CR1L: variants seen among roughly 807,000 people sequenced by gnomAD.
CR1L encodes the protein complement component receptor 1-like protein.
In CR1L, 59 loss-of-function variants were observed where a neutral mutation model predicts 62.3. That is an observed-to-expected ratio of 0.95 (90% CI 0.77 to 1.18). The LOEUF (loss-of-function observed/expected upper bound fraction) is 1.18, where lower values mean the gene tolerates loss of function less well. Ranked by LOEUF, CR1L falls within the 50% of genes most tolerant of loss-of-function variation. CR1L has a pLI of 0.00. For missense variants in CR1L, 700 were observed against 702.8 expected (o/e 1.00, Z 0.04); for synonymous variants, 279 against 248.7 (o/e 1.12, Z -1.15).
chr1:207,690,088 A>T (rs79473308), intron 4 of CR1L, among the ~76,000 whole-genome samples: 5,833 of 151,934 alleles, frequency 0.038, 179 homozygotes, highest in South Asian at 0.12. Flanking sequence ...TTTTCTTTAA[A>T]GTGTGACTAT....
chr1:207,684,077 C>A, intron 4 of CR1L, 120 bp downstream of exon 4: 1 of 868,510 alleles, frequency 1.2e-6, no homozygotes, highest in South Asian at 2.2e-5. Flanking sequence ...CTGAAGACAG[C>A]CATAATGTTC....
intron 9 of CR1L, among the ~76,000 whole-genome samples, chr1:207,702,875 G>A (rs1011677298): frequency 1.5e-4 from 23 of 152,302 alleles, no homozygotes; most frequent in Admixed American, 1.4e-3. Context: ...CTGAGGTCAG[G>A]TGTTCAAGAC....
intron 1 of CR1L, chr1:207,652,415 T>C (rs1189165702): frequency 1.5e-6 from 1 of 647,430 alleles, no homozygotes; most frequent in Non-Finnish European, 2.8e-6. Flanking sequence ...GGTAAAAGCA[T>C]GGAACAGTCA....
At position 207,701,625 on chromosome 1, in the gene CR1L, T is replaced by A; in HGVS notation, c.1328+7T>A. 6.2e-7 allele frequency: 1 copy of A among 1,613,608 alleles called. No homozygotes were observed. Among genetic ancestry groups the A allele is most frequent in the East Asian group, 2.2e-5 (1 of 44,872 alleles). On this transcript the variant is annotated splice_region_variant and intron_variant, in intron 9 of 11. Transcript: ENST00000508064. Reference sequence around the variant, plus strand: ...ACTATTCTTGTACTACAGGGTGAGTTGGCAGCAACATCTCTTGGTTCCAGA... The same window carrying A: ...ACTATTCTTGTACTACAGGGTGAGTAGGCAGCAACATCTCTTGGTTCCAGA...
chr1:207,720,635 G>T (rs1654113856), intron 11 of CR1L, among the ~76,000 whole-genome samples: 1 of 152,144 alleles, frequency 6.6e-6, no homozygotes, highest in African/African-American at 2.4e-5. Flanking sequence ...AGAGCAAGGG[G>T]TAATTGCCAG....
chr1:207,652,203 T>A (rs560907138), intron 1 of CR1L, among the ~76,000 whole-genome samples: 3 of 152,382 alleles, frequency 2.0e-5, no homozygotes, highest in Admixed American at 1.3e-4. Flanking sequence ...ATACTGTAGA[T>A]GACTTCTTAG....
chr1:207,712,895 G>A (rs1664381293), intron 10 of CR1L, among the ~76,000 whole-genome samples: 1 of 152,192 alleles, frequency 6.6e-6, no homozygotes, highest in Admixed American at 6.5e-5. Flanking sequence ...TGAGACCAAG[G>A]ACTCAGTGTG....
intron 4 of CR1L, among the ~76,000 whole-genome samples, chr1:207,687,797 G>A (rs750912114): frequency 3.3e-5 from 5 of 152,064 alleles, no homozygotes; most frequent in Non-Finnish European, 5.9e-5. Flanking sequence ...TTATTGTTTT[G>A]TAGAAGTTGT....
intron 1 of CR1L, among the ~76,000 whole-genome samples, chr1:207,655,867 C>T (rs1463828685): frequency 6.6e-6 from 1 of 152,188 alleles, no homozygotes. Context: ...TTGCACATCT[C>T]TTCAACACCT....
chr1:207,669,589 A>C, intron 1 of CR1L: 2 of 1,411,372 alleles, frequency 1.4e-6, no homozygotes, highest in Non-Finnish European at 1.9e-6. Context: ...GGGCGTGGGG[A>C]GGCGCCCGGG....
chr1:207,648,236 A>C (rs1663167412), intron 1 of CR1L, among the ~76,000 whole-genome samples: 2 of 139,152 alleles, frequency 1.4e-5, no homozygotes, highest in African/African-American at 6.8e-5. Context: ...AAAAAAAAAA[A>C]AACCTGGAAG....
chr1:207,708,353 G>A (rs1373226443), intron 10 of CR1L, 90 bp downstream of exon 10: 1 of 1,491,334 alleles, frequency 6.7e-7, no homozygotes. Flanking sequence ...CATCCCTCTT[G>A]GAAATGGTAT....
intron 10 of CR1L, chr1:207,710,676 T>C: frequency 6.2e-7 from 1 of 1,610,016 alleles, no homozygotes; most frequent in South Asian, 1.1e-5. Flanking sequence ...TTAAATGAAG[T>C]TGTGGAGTTT....
intron 1 of CR1L, 144 bp from the exon 2 acceptor site, chr1:207,677,245 C>G (rs1005174804): frequency 1.1e-5 from 8 of 757,968 alleles, no homozygotes; most frequent in Non-Finnish European, 1.5e-5. Flanking sequence ...ATTGCTTGAA[C>G]CTGTGAGGCA....
chr1:207,676,164 T>C (rs1463444868), intron 1 of CR1L, among the ~76,000 whole-genome samples: 1 of 152,224 alleles, frequency 6.6e-6, no homozygotes, highest in African/African-American at 2.4e-5. Flanking sequence ...AAGCTGTGAA[T>C]TGCAGCTTCC....
chr1:207,706,567 A>T (rs533675022), intron 9 of CR1L, among the ~76,000 whole-genome samples: 10 of 152,232 alleles, frequency 6.6e-5, no homozygotes, highest in African/African-American at 9.6e-5. Context: ...AAAAAAACTC[A>T]GATTCCAGAA....
chr1:207,646,710 C>CAAAAAAAA (rs34443417), intron 1 of CR1L, among the ~76,000 whole-genome samples: 7 of 64,720 alleles, frequency 1.1e-4, no homozygotes, highest in African/African-American at 3.0e-4. Context: ...GACCCTGTCT[C>CAAAAAAAA]AAAAAAAAAA....
At chr1:207,668,933 T>TA (rs1328342873) in intron 1 of CR1L, among the ~76,000 whole-genome samples, 1 of 151,080 alleles carries the variant, frequency 6.6e-6, no homozygotes, top group African/African-American at 2.5e-5. Flanking sequence ...TTAAAAATCT[T>TA]ACAATGGCAT....
chr1:207,678,196 A>G lies in CR1L; in HGVS notation c.278-2A>G. 1 of 1,613,416 alleles carries G rather than the reference A, an allele frequency of 6.2e-7. No homozygotes were observed. Among genetic ancestry groups the G allele is most frequent in the Non-Finnish European group, 8.5e-7 (1 of 1,179,384 alleles). On this transcript the variant is annotated splice_acceptor_variant, in intron 2 of 11. Transcript: ENST00000508064. LOFTEE classifies it high-confidence loss of function. ...CTTCAAATTTCTGTTTCTTTCCTGTAGGTAAATCATGTCGTAATCCTCCAG... is the reference window on the plus strand; with the variant it reads ...CTTCAAATTTCTGTTTCTTTCCTGTGGGTAAATCATGTCGTAATCCTCCAG...
Sources: gnomAD v4.1 joint callset for allele counts (sites outside exome capture counted in the v4.1 genomes callset) on GRCh38, gnomAD v4.1.1 for gene constraint, MANE v1.5 for transcripts, NCBI Gene and HGNC (gene_info 2026-07-23, HGNC 2026-07-21) for gene names.